PRKCZ: variants seen among roughly 807,000 people sequenced by gnomAD.
PRKCZ encodes protein kinase C zeta type.
PRKCZ carries 33 observed loss-of-function variants against 79.5 expected under a neutral mutation model. The observed-to-expected ratio is 0.41, with a 90% CI of 0.31 to 0.55. PRKCZ has a LOEUF of 0.55. PRKCZ is among the 20% of genes least tolerant of loss of function. The pLI is 0.19. For missense variants in PRKCZ, 578 were observed against 813.5 expected (o/e 0.71, Z 3.52); for synonymous variants, 342 against 320.9 (o/e 1.07, Z -0.70).
At chr1:2,124,248 T>C (rs1673339936) in intron 4 of PRKCZ, among the ~76,000 whole-genome samples, 1 of 138,414 alleles carries the variant, frequency 7.2e-6, no homozygotes, top group Non-Finnish European at 1.6e-5. Context: ...GTCACGGTGG[T>C]GGTTAGGGTC....
chr1:2,106,409 CTAGTGGG>C (rs1483483665), intron 4 of PRKCZ, among the ~76,000 whole-genome samples: 9 of 152,144 alleles, frequency 5.9e-5, no homozygotes, highest in East Asian at 1.9e-4. Context: ...GCAAGCCCCT[CTAGTGGG>C]CGAGGACCTC....
rs1405740510 is a variant in PRKCZ at position 2,094,494 on chromosome 1, C to T, written c.334+34903C>T. ...TTGGGCGCTGCCCGTTCTGAGGCGC[C>T]CTCTGTGCCCGGCTCGTTGAACCTT... On this transcript the variant is annotated intron_variant, in intron 4 of 17. Coordinates refer to ENST00000378567, the MANE Select transcript of PRKCZ (RefSeq NM_002744.6). This position sits in a 1 kb window ranked among gnomAD's most constrained non-coding sequence, Gnocchi z 7.3. 7.0e-6 allele frequency among the ~76,000 whole-genome samples: 1 copy of T among 143,656 alleles called. No individual in the cohort carries two copies. Among genetic ancestry groups the T allele is most frequent in the Non-Finnish European group, 1.5e-5 (1 of 66,056 alleles). The allele number at this position is 143,656 out of a possible 152,430, so 94.2% of individuals were successfully genotyped here. A position where few individuals can be genotyped will look rare whatever the true frequency, so the allele number is the denominator to read the frequency against.
intron 10 of PRKCZ, among the ~76,000 whole-genome samples, chr1:2,162,048 T>A (rs1682429565): frequency 6.6e-6 from 1 of 152,200 alleles, no homozygotes; most frequent in South Asian, 2.1e-4. Flanking sequence ...CAGTTTTGCC[T>A]CGTTTTTCCT....
chr1:2,084,864 CTG>C (rs1571252000), intron 4 of PRKCZ, among the ~76,000 whole-genome samples: 1 of 152,110 alleles, frequency 6.6e-6, no homozygotes, highest in African/African-American at 2.4e-5. Context: ...AAAAATTAGC[CTG>C]GTGTAGTGGT....
intron 5 of PRKCZ, among the ~76,000 whole-genome samples, chr1:2,138,049 C>T (rs1358655441): frequency 6.6e-6 from 1 of 152,246 alleles, no homozygotes; most frequent in Non-Finnish European, 1.5e-5. Flanking sequence ...GTAACGTTCT[C>T]TGTCCGGACC....
intron 4 of PRKCZ, chr1:2,074,115 G>A (rs577587273): frequency 1.3e-6 from 2 of 1,518,976 alleles, no homozygotes; most frequent in South Asian, 1.3e-5. Flanking sequence ...CACGGCCCGG[G>A]GAAGGCGTGC....
At position 2,154,923 on chromosome 1, in the gene PRKCZ, C is replaced by T. The variant is rs543659873; in HGVS notation, c.877-1072C>T. 1.2e-4 allele frequency among the ~76,000 whole-genome samples: 18 copies of T among 152,310 alleles called. No homozygotes were observed. In the South Asian group the frequency reaches 3.5e-3, roughly 30 times the overall value. On this transcript the variant is annotated intron_variant, in intron 9 of 17. Transcript: ENST00000378567. ...TGGGTGTGGGCTTATCACTCGGTAG[C>T]GCTGGGACCTTGGGGAATCTGCTTA... is the stretch of plus-strand genomic sequence containing the variant.
chr1:2,050,541 G>T lies in PRKCZ; in HGVS notation c.-90G>T. The stretch of plus-strand genomic sequence containing the variant: ...GTCGGTCCTGAGCGCTGCCTTCCGC[G>T]TTCCGCCGCGGCCCCACCTGGAGCC... On this transcript the variant is annotated 5_prime_UTR_variant, in exon 1 of 18. Transcript: ENST00000378567. 1.2e-6 allele frequency: 1 copy of T among 838,554 alleles called. No homozygotes were observed. Among genetic ancestry groups the T allele is most frequent in the African/African-American group, 1.8e-5 (1 of 56,116 alleles). The allele number at this position is 838,554 out of a possible 1,614,324, so 51.9% of individuals were successfully genotyped here.
chr1:2,085,270 G>A (rs1216151888), intron 4 of PRKCZ, among the ~76,000 whole-genome samples: 1 of 152,232 alleles, frequency 6.6e-6, no homozygotes, highest in Admixed American at 6.5e-5. Context: ...CCTACCTGGC[G>A]TGGGCGTGAA....
Position 2,185,142 on chromosome 1 carries a change from G to C in PRKCZ, c.*133G>C. 3.4e-6 allele frequency: 3 copies of C among 889,718 alleles called. No homozygotes were observed. Among genetic ancestry groups the C allele is most frequent in the Non-Finnish European group, 5.3e-6 (3 of 564,010 alleles). 55.1% of individuals were successfully genotyped at this position (889,718 alleles called of 1,614,324 possible). ...CAGACGCTTGCGCCGAGACCGCAGA[G>C]GGAAGCGTCAGCGGGCGCTGCTGGG... On this transcript the variant is annotated 3_prime_UTR_variant, in exon 18 of 18. Coordinates refer to ENST00000378567, the MANE Select transcript of PRKCZ (RefSeq NM_002744.6).
intron 7 of PRKCZ, among the ~76,000 whole-genome samples, chr1:2,147,413 CATCT>C (rs1443389838): frequency 1.3e-5 from 2 of 148,942 alleles, no homozygotes; most frequent in Non-Finnish European, 1.5e-5. Flanking sequence ...CCTCTCCTTC[CATCT>C]ATCTGTTGTC....
intron 4 of PRKCZ, among the ~76,000 whole-genome samples, chr1:2,065,244 A>G (rs1661018878): frequency 6.6e-6 from 1 of 152,162 alleles, no homozygotes; most frequent in African/African-American, 2.4e-5. Context: ...TTCTGTGGAA[A>G]CTTTAGGGCT....
rs560747943 is a variant in PRKCZ at position 2,165,667 on chromosome 1, G to C, written c.975-3851G>C. On this transcript the variant is annotated intron_variant, in intron 10 of 17. Coordinates refer to ENST00000378567, the MANE Select transcript of PRKCZ (RefSeq NM_002744.6). The surrounding 1 kb of genome is among the most constrained non-coding windows in gnomAD (Gnocchi z 4.1). ...CCTTAGACACTGCGTGAAGGGACGC[G>C]TGTGGCCGTGTTCCACCAGAACTTT... 2.0e-5 allele frequency among the ~76,000 whole-genome samples: 3 copies of C among 152,214 alleles called. No individual in the cohort carries two copies. The highest frequency in any genetic ancestry group is 3.9e-4 in the East Asian group (2 of 5,194).
chr1:2,079,850 G>A (rs1469085405), intron 4 of PRKCZ, among the ~76,000 whole-genome samples: 4 of 152,210 alleles, frequency 2.6e-5, no homozygotes, highest in African/African-American at 9.6e-5. Context: ...GCACCACAGA[G>A]CTGGTGGTGG....
intron 4 of PRKCZ, among the ~76,000 whole-genome samples, chr1:2,120,086 G>A (rs1422651175): frequency 6.6e-6 from 1 of 152,002 alleles, no homozygotes; most frequent in Admixed American, 6.6e-5. Flanking sequence ...TCATTTCTGT[G>A]GTGAGGGCGC....
At chr1:2,079,669 G>T (rs1487931600) in intron 4 of PRKCZ, among the ~76,000 whole-genome samples, 1 of 152,242 alleles carries the variant, frequency 6.6e-6, no homozygotes, top group Non-Finnish European at 1.5e-5. Context: ...GGCGGCACAT[G>T]GTGGGAGCAT....
chr1:2,161,345 G>C (rs1342597745), intron 10 of PRKCZ, among the ~76,000 whole-genome samples: 1 of 152,270 alleles, frequency 6.6e-6, no homozygotes, highest in Non-Finnish European at 1.5e-5. Flanking sequence ...GCTCTTCCCA[G>C]CATCAGGGGC....
At chr1:2,144,530 C>T (rs993354813) in intron 6 of PRKCZ, 189 bp downstream of exon 6, 1 of 1,419,368 alleles carries the variant, frequency 7.0e-7, no homozygotes, top group Admixed American at 2.8e-5. Flanking sequence ...TGAGCCCCCA[C>T]AAGCCCCCGG....
At position 2,075,894 on chromosome 1, in the gene PRKCZ, C is replaced by T. The variant is rs1416776596; in HGVS notation, c.334+16303C>T. 2.0e-5 allele frequency among the ~76,000 whole-genome samples: 3 copies of T among 152,222 alleles called. No homozygotes were observed. Among genetic ancestry groups the T allele is most frequent in the African/African-American group, 7.2e-5 (3 of 41,450 alleles). On this transcript the variant is annotated intron_variant, in intron 4 of 17. Transcript: ENST00000378567. This position sits in a 1 kb window ranked among gnomAD's most constrained non-coding sequence, Gnocchi z 4.8. ...CTCGTGTGTGTAGCAGCGGGGGCTG[C>T]GTCTCATCTGCCACACGTTTCTGAT...
Sources: allele counts gnomAD v4.1 joint callset (sites outside exome capture counted in the v4.1 genomes callset), GRCh38; gene constraint gnomAD v4.1.1; non-coding constraint Gnocchi (gnomAD v3.1); transcripts MANE v1.5; gene names NCBI Gene and HGNC (gene_info 2026-07-23, HGNC 2026-07-21).